RIPOR3: variants seen among roughly 807,000 people sequenced by gnomAD.
RIPOR3 encodes RIPOR family member 3, also known as family with sequence similarity 65 member C.
RIPOR3 carries 95 observed loss-of-function variants against 114.3 expected under a neutral mutation model. The ratio of observed to expected loss-of-function variants is 0.83; its 90% CI spans 0.70 to 0.99. RIPOR3 has a LOEUF of 0.99. Among genes scored for constraint, RIPOR3 ranks in the 50% least tolerant of loss-of-function variants. The pLI, the probability that RIPOR3 is intolerant of heterozygous loss-of-function variation, is 0.00. For synonymous variants in RIPOR3, 575 were observed against 543.8 expected, an observed-to-expected ratio of 1.06 and a Z score of -0.80; for missense variants, 1,252 against 1,266.9, an observed-to-expected ratio of 0.99 and a Z score of 0.18.
intron 1 of RIPOR3, among the ~76,000 whole-genome samples, chr20:50,664,677 A>G (rs915863812): frequency 6.6e-6 from 1 of 152,210 alleles, no homozygotes; most frequent in African/African-American, 2.4e-5. Context: ...GTTTCAGCTC[A>G]GGTTCCAACG....
chr20:50,620,444 TG>T (rs1355456304), intron 2 of RIPOR3, among the ~76,000 whole-genome samples: 1 of 152,054 alleles, frequency 6.6e-6, no homozygotes, highest in African/African-American at 2.4e-5. Context: ...CTGGCCAACA[TG>T]GCGAAACCCT....
intron 1 of RIPOR3, among the ~76,000 whole-genome samples, chr20:50,632,762 A>G (rs1270681170): frequency 6.6e-6 from 1 of 152,226 alleles, no homozygotes; most frequent in African/African-American, 2.4e-5. Context: ...TAGATGAGGA[A>G]ACTGAGGCTC....
At chr20:50,638,083 G>A (rs1369374298) in intron 1 of RIPOR3, among the ~76,000 whole-genome samples, 1 of 152,114 alleles carries the variant, frequency 6.6e-6, no homozygotes, top group Non-Finnish European at 1.5e-5. Context: ...GGTTTAAATA[G>A]AGCAGGTTGG....
intron 1 of RIPOR3, among the ~76,000 whole-genome samples, chr20:50,679,135 A>AAAAAT (rs2086773516): frequency 9.6e-5 from 2 of 20,770 alleles, no homozygotes; most frequent in African/African-American, 2.6e-4. Context: ...AAAAAAAAAA[A>AAAAAT]ATATATATAT....
intron 1 of RIPOR3, among the ~76,000 whole-genome samples, chr20:50,651,588 C>T (rs1240020152): frequency 6.6e-6 from 1 of 152,158 alleles, no homozygotes; most frequent in South Asian, 2.1e-4. Context: ...GAACGGTGTT[C>T]GAATCTTGGC....
At chr20:50,593,009 A>C (rs757081295) in intron 18 of RIPOR3, 26 bp downstream of exon 18, 2 of 1,612,506 alleles carry the variant, frequency 1.2e-6, no homozygotes, top group Non-Finnish European at 1.7e-6. Context: ...TTCCTCTGCT[A>C]TGACAGCCAC....
chr20:50,678,010 G>A (rs1343448096), intron 1 of RIPOR3, among the ~76,000 whole-genome samples: 2 of 152,086 alleles, frequency 1.3e-5, no homozygotes, highest in Admixed American at 6.5e-5. Flanking sequence ...ATGAGGACAC[G>A]GAGCCACAGG....
chr20:50,674,097 C>T (rs532246358), intron 1 of RIPOR3, among the ~76,000 whole-genome samples: 9 of 152,148 alleles, frequency 5.9e-5, no homozygotes, highest in African/African-American at 1.9e-4. Flanking sequence ...CCTTTTCCCC[C>T]GCTTTTTATA....
chr20:50,629,021 G>T (rs952373336), intron 2 of RIPOR3, among the ~76,000 whole-genome samples: 8 of 152,190 alleles, frequency 5.3e-5, no homozygotes, highest in Non-Finnish European at 1.5e-5. Flanking sequence ...GACCTAGCAG[G>T]AAGCCAATGC....
At position 50,595,378 on chromosome 20, in the gene RIPOR3, T is replaced by C. The variant is rs781241619; in HGVS notation, c.2041A>G (p.Ile681Val). The change falls in exon 16 of 22, where the codon ATT becomes GTT. Residue 681 changes from isoleucine (I) to valine (V), a missense_variant. By Grantham distance (29) the Ile-to-Val change is conservative (BLOSUM62 3). Transcript: ENST00000327979. ...DFEKVGKATS[I>V]EEIIPQASRT... ...GCAGGCAGCTACTTACTCTCTTCAA[T>C]GGATGTTGCCTTGCCGACCTTCTCA... The C allele has an allele frequency of 2.2e-5, 35 of 1,613,812 alleles. No individual in the cohort carries two copies. The highest frequency in any genetic ancestry group is 2.9e-5 in the Non-Finnish European group (34 of 1,179,896).
Position 50,587,206 on chromosome 20 carries a change from G to A in RIPOR3, c.*26C>T, listed in dbSNP as rs143373465. The A allele has an allele frequency of 7.6e-4, 1,208 of 1,579,970 alleles. 6 individuals are homozygous for A. In the African/African-American group the frequency reaches 0.014, roughly 19 times the overall value. On this transcript the variant is annotated 3_prime_UTR_variant, in exon 22 of 22. Transcript: ENST00000327979. The stretch of plus-strand genomic sequence containing the variant: ...GGCAGCAGCAAAAAAAACGATGTGA[G>A]ATTTGTGCTCATCAGCCAGGATTTT...
intron 1 of RIPOR3, 142 bp downstream of exon 1, chr20:50,690,984 A>G: frequency 9.2e-7 from 1 of 1,091,938 alleles, no homozygotes; most frequent in Non-Finnish European, 1.2e-6. Flanking sequence ...CTCAGCCTCA[A>G]CCCAGGTTCC....
intron 1 of RIPOR3, among the ~76,000 whole-genome samples, chr20:50,686,334 G>A (rs1024386183): frequency 1.5e-4 from 23 of 152,094 alleles, no homozygotes; most frequent in African/African-American, 5.1e-4. Flanking sequence ...GGGATTACAG[G>A]TGTGAGCCAC....
At chr20:50,654,428 T>G (rs927690812) in intron 1 of RIPOR3, among the ~76,000 whole-genome samples, 1 of 129,368 alleles carries the variant, frequency 7.7e-6, no homozygotes, top group Non-Finnish European at 1.7e-5. Context: ...CAGAGTTTTT[T>G]TTTTTTTTTT....
intron 1 of RIPOR3, chr20:50,645,373 A>T (rs2085364401): frequency 6.6e-6 from 1 of 152,252 alleles, no homozygotes; most frequent in Non-Finnish European, 1.5e-5. Context: ...GTGTCTGCGG[A>T]TTCTCCCAGG....
intron 1 of RIPOR3, among the ~76,000 whole-genome samples, chr20:50,678,485 C>T (rs1016446146): frequency 1.3e-5 from 2 of 152,176 alleles, no homozygotes; most frequent in Admixed American, 6.5e-5. Flanking sequence ...CTGCAGGCTC[C>T]GGGAAGGAAA....
chr20:50,670,631 C>T (rs2086443793), intron 1 of RIPOR3, among the ~76,000 whole-genome samples: 1 of 152,170 alleles, frequency 6.6e-6, no homozygotes, highest in South Asian at 2.1e-4. Context: ...GTGCATTCCC[C>T]TAGGCAGGCA....
rs538811189 is a variant in RIPOR3, at chr20:50,594,051, A to G, written c.2212+502T>C. 8.0e-4 allele frequency among the ~76,000 whole-genome samples: 121 copies of G among 152,142 alleles called. 2 individuals are homozygous for G. Among genetic ancestry groups the G allele is most frequent in the South Asian group, 5.6e-3 (27 of 4,814 alleles). On this transcript the variant is annotated intron_variant, in intron 17 of 21. Coordinates refer to ENST00000327979, the MANE Select transcript of RIPOR3 (RefSeq NM_001290268.2). ...TTTGGGAGGCCGAGGCGGGCGAATC[A>G]CAAGGTCAGGAGTTCGAGACCAGCC...
At chr20:50,666,110 A>G (rs190339156) in intron 1 of RIPOR3, among the ~76,000 whole-genome samples, 5 of 150,406 alleles carry the variant, frequency 3.3e-5, no homozygotes, top group Non-Finnish European at 7.4e-5. Context: ...GACAGTGAAC[A>G]TCTAGGGCCT....
Sources: gnomAD v4.1 joint callset for allele counts (sites outside exome capture counted in the v4.1 genomes callset) on GRCh38, gnomAD v4.1.1 for gene constraint, MANE v1.5 for transcripts, NCBI Gene and HGNC (gene_info 2026-07-23, HGNC 2026-07-21) for gene names.